RBFOX1: variants seen among roughly 807,000 people sequenced by gnomAD.
The protein encoded by RBFOX1 is RNA binding protein fox-1 homolog 1.
In RBFOX1, 8 loss-of-function variants were observed where a neutral mutation model predicts 57.7. The ratio of observed to expected loss-of-function variants is 0.14; its 90% CI spans 0.08 to 0.25. The LOEUF (loss-of-function observed/expected upper bound fraction) is 0.25. Among genes scored for constraint, RBFOX1 ranks in the 10% least tolerant of loss-of-function variants. RBFOX1 has a pLI of 1.00. For missense variants in RBFOX1, 611 were observed against 548.5 expected, an observed-to-expected ratio of 1.11 and a Z score of -1.14; for synonymous variants, 326 against 222.4, an observed-to-expected ratio of 1.47 and a Z score of -4.15.
Position 6,084,320 on chromosome 16 carries a change from G to A in RBFOX1, c.-127+64328G>A, listed in dbSNP as rs148728830. Among the ~76,000 whole-genome samples, 1,195 of 152,036 alleles carry A rather than the reference G, an allele frequency of 7.9e-3. 11 individuals carry two copies. Among genetic ancestry groups the A allele is most frequent in the Non-Finnish European group, 0.013 (865 of 67,980 alleles). On this transcript the variant is annotated intron_variant, in intron 1 of 15. Transcript: ENST00000550418. The stretch of plus-strand genomic sequence containing the variant: ...GAGCAGTGATATTATCGTGACTCAC[G>A]GCAGCCTCGACCTCCCAGACTCAGG...
chr16:6,483,200 G>C (rs1182848350), intron 2 of RBFOX1: 2 of 1,189,304 alleles, frequency 1.7e-6, no homozygotes, highest in Non-Finnish European at 2.1e-6. Flanking sequence ...GACAGAGGCC[G>C]AGGCCGGCCG....
intron 1 of RBFOX1, among the ~76,000 whole-genome samples, chr16:6,253,576 G>T (rs2097639348): frequency 6.6e-6 from 1 of 151,080 alleles, no homozygotes; most frequent in South Asian, 2.1e-4. Context: ...ATCAAAGCTT[G>T]ATCAATGGTT....
intron 1 of RBFOX1, among the ~76,000 whole-genome samples, chr16:5,415,705 C>G (rs2067142554): frequency 6.6e-6 from 1 of 152,096 alleles, no homozygotes. Flanking sequence ...AAAACTTCCT[C>G]TAAAAGTAAA....
intron 3 of RBFOX1, among the ~76,000 whole-genome samples, chr16:7,041,580 A>G (rs927361344): frequency 6.6e-6 from 1 of 152,184 alleles, no homozygotes; most frequent in South Asian, 2.1e-4. Context: ...AAGGAAATGG[A>G]AGTTCTACAT....
chr16:7,022,527 C>G lies in RBFOX1; in HGVS notation c.-15-29530C>G, dbSNP rs149253183. ...TTATACTCCAGATTCCCTGTGAGGTCAGGAACTAGGCCTTTTTCATGATAA... is the reference window on the plus strand; with the variant it reads ...TTATACTCCAGATTCCCTGTGAGGTGAGGAACTAGGCCTTTTTCATGATAA... On this transcript the variant is annotated intron_variant, in intron 3 of 15. Coordinates refer to ENST00000550418, the MANE Select transcript of RBFOX1 (RefSeq NM_018723.4). Among the ~76,000 whole-genome samples the G allele has an allele frequency of 2.2e-3, 328 of 152,110 alleles. 1 individual carries two copies. The highest frequency in any genetic ancestry group is 2.4e-3 in the Non-Finnish European group (166 of 68,008).
intron 3 of RBFOX1, among the ~76,000 whole-genome samples, chr16:7,042,064 C>A (rs959334698): frequency 6.6e-6 from 1 of 152,042 alleles, no homozygotes; most frequent in Admixed American, 6.6e-5. Context: ...ACAGAAGGGC[C>A]CAGTGCTTTG....
chr16:7,024,846 G>C (rs961440730), intron 3 of RBFOX1, among the ~76,000 whole-genome samples: 2 of 152,160 alleles, frequency 1.3e-5, no homozygotes, highest in African/African-American at 4.8e-5. Flanking sequence ...ACGGGGCTGG[G>C]TGTCACGTGG....
At chr16:7,112,835 G>C (rs1311951640) in intron 4 of RBFOX1, among the ~76,000 whole-genome samples, 2 of 152,032 alleles carry the variant, frequency 1.3e-5, no homozygotes, top group South Asian at 4.2e-4. Context: ...TATGATTTGG[G>C]TAACAGGAAT....
chr16:7,454,684 A>T (rs556849562), intron 4 of RBFOX1, among the ~76,000 whole-genome samples: 4 of 152,156 alleles, frequency 2.6e-5, no homozygotes, highest in Non-Finnish European at 5.9e-5. Flanking sequence ...GAGAAGGAAT[A>T]TGGTGGAGGA....
chr16:6,290,759 T>C (rs183946367), intron 1 of RBFOX1, among the ~76,000 whole-genome samples: 1 of 152,328 alleles, frequency 6.6e-6, no homozygotes, highest in East Asian at 1.9e-4. Flanking sequence ...GATATTGTTA[T>C]TTCCACTTTA....
chr16:7,013,116 T>A (rs1246243758), intron 3 of RBFOX1, among the ~76,000 whole-genome samples: 1 of 152,178 alleles, frequency 6.6e-6, no homozygotes. Context: ...CATCTCCAAA[T>A]GTCTTTAGAC....
intron 1 of RBFOX1, among the ~76,000 whole-genome samples, chr16:6,076,176 A>T (rs1021357614): frequency 6.6e-6 from 1 of 151,874 alleles, no homozygotes; most frequent in Non-Finnish European, 1.5e-5. Context: ...TGCATGCTCT[A>T]TCATCCCAGC....
rs61156757 is a variant in RBFOX1, at chr16:5,611,719, T to TATCCATCC, written c.318+12781_318+12788dup. Among the ~76,000 whole-genome samples the TATCCATCC allele has an allele frequency of 9.0e-3, 1,027 of 114,674 alleles. 19 individuals carry two copies. The highest frequency in any genetic ancestry group is 0.044 in the East Asian group (157 of 3,600). The allele number at this position is 114,674 out of a possible 152,430, so 75.2% of individuals were successfully genotyped here. On this transcript the variant is annotated intron_variant, in intron 3 of 19. Transcript: ENST00000641259. ...CCACCCACTCTCCCATCCATCCATC[T>TATCCATCC]ATCCATCCATCCATCCATCCATCCA... is the stretch of plus-strand genomic sequence containing the variant.
At chr16:6,074,351 C>T (rs533969763) in intron 1 of RBFOX1, among the ~76,000 whole-genome samples, 2 of 152,270 alleles carry the variant, frequency 1.3e-5, no homozygotes, top group East Asian at 1.9e-4. Flanking sequence ...CCAGCACAAA[C>T]ATTTCACCCC....
At chr16:7,459,936 A>G (rs1042348714) in intron 4 of RBFOX1, among the ~76,000 whole-genome samples, 1 of 152,146 alleles carries the variant, frequency 6.6e-6, no homozygotes, top group Non-Finnish European at 1.5e-5. Context: ...ATGTTTTAAT[A>G]GTTTATTGGT....
At chr16:5,249,150 G>C (rs2062380962) in intron 1 of RBFOX1, among the ~76,000 whole-genome samples, 1 of 152,208 alleles carries the variant, frequency 6.6e-6, no homozygotes, top group East Asian at 1.9e-4. Flanking sequence ...ACCTGCTCCA[G>C]GTGAGGCTGC....
chr16:5,665,910 G>A (rs1411479578), intron 3 of RBFOX1, among the ~76,000 whole-genome samples: 23 of 152,222 alleles, frequency 1.5e-4, no homozygotes, highest in Non-Finnish European at 4.4e-5. Flanking sequence ...GGCATCTGCT[G>A]AAAGCTGTTG....
intron 2 of RBFOX1, among the ~76,000 whole-genome samples, chr16:6,409,517 C>G (rs1455711630): frequency 6.6e-6 from 1 of 152,184 alleles, no homozygotes; most frequent in Admixed American, 6.5e-5. Flanking sequence ...GTGTTAATTA[C>G]ATGAGTCTGT....
chr16:6,667,017 A>G (rs914082150), intron 3 of RBFOX1, among the ~76,000 whole-genome samples: 1 of 152,054 alleles, frequency 6.6e-6, no homozygotes, highest in East Asian at 1.9e-4. Context: ...TTTATATTTG[A>G]TTCACAGGTT....
Sources: allele counts gnomAD v4.1 joint callset (sites outside exome capture counted in the v4.1 genomes callset), GRCh38; gene constraint gnomAD v4.1.1; transcripts MANE v1.5; gene names NCBI Gene and HGNC (gene_info 2026-07-23, HGNC 2026-07-21).